The following BBS9 variants were observed in gnomAD, a reference collection of about 807,000 sequenced individuals.
BBS9 encodes Bardet-Biedl syndrome 9, also known as protein PTHB1.
Under a neutral mutation model 117.7 loss-of-function variants are expected in BBS9, and 89 were observed. The observed-to-expected ratio is 0.76, with a 90% CI of 0.64 to 0.90. The LOEUF (loss-of-function observed/expected upper bound fraction) is 0.90, where lower values mean the gene tolerates loss of function less well. Among genes scored for constraint, BBS9 ranks in the 40% least tolerant of loss-of-function variants. The probability of loss-of-function intolerance (pLI) is 0.00; values close to 1 mark genes in which losing one functional copy is unlikely to be tolerated. For synonymous variants in BBS9, 379 were observed against 370.9 expected (o/e 1.02, Z -0.25); for missense variants, 982 against 1,042.2 (o/e 0.94, Z 0.80).
At chr7:33,526,398 G>C (rs1430915165) in intron 20 of BBS9, among the ~76,000 whole-genome samples, 2 of 152,194 alleles carry the variant, frequency 1.3e-5, no homozygotes, top group African/African-American at 4.8e-5. Context: ...ATCAGACGTA[G>C]ATTTGGTCTT....
At chr7:33,588,791 G>A (rs1861385848) in intron 21 of BBS9, among the ~76,000 whole-genome samples, 1 of 152,126 alleles carries the variant, frequency 6.6e-6, no homozygotes, top group African/African-American at 2.4e-5. Context: ...GCAGAAATCA[G>A]AGGGACAAGT....
At chr7:33,216,731 G>C (rs998940928) in intron 5 of BBS9, among the ~76,000 whole-genome samples, 1 of 152,186 alleles carries the variant, frequency 6.6e-6, no homozygotes, top group African/African-American at 2.4e-5. Flanking sequence ...TGGTATGAAG[G>C]AGTCTCTTGG....
intron 5 of BBS9, among the ~76,000 whole-genome samples, chr7:33,238,092 T>A (rs1264587660): frequency 2.0e-5 from 3 of 152,228 alleles, no homozygotes; most frequent in Non-Finnish European, 4.4e-5. Flanking sequence ...GAAAGAGGGA[T>A]ATAAATCCGC....
At chr7:33,138,381 A>G (rs1790891037) in intron 1 of BBS9, among the ~76,000 whole-genome samples, 2 of 151,294 alleles carry the variant, frequency 1.3e-5, no homozygotes, top group Admixed American at 6.6e-5. Flanking sequence ...GTAAGAAAAT[A>G]TCCACTTAGG....
intron 1 of BBS9, among the ~76,000 whole-genome samples, chr7:33,144,903 T>C (rs1792091552): frequency 6.6e-6 from 1 of 152,254 alleles, no homozygotes; most frequent in South Asian, 2.1e-4. Context: ...TCTATTGAGA[T>C]GTAATCCCAT....
chr7:33,614,229 A>G (rs1320099266), intron 21 of BBS9, among the ~76,000 whole-genome samples: 3 of 152,108 alleles, frequency 2.0e-5, no homozygotes, highest in African/African-American at 7.2e-5. Flanking sequence ...CAAGAAAGTG[A>G]AAACTTGAAT....
Position 33,146,282 on chromosome 7 carries a change from G to A in BBS9, c.30G>A (p.Trp10Ter). 2 of 1,614,004 alleles carry A rather than the reference G, an allele frequency of 1.2e-6. No homozygotes were observed. Among genetic ancestry groups the A allele is most frequent in the African/African-American group, 2.7e-5 (2 of 75,030 alleles). Residue 10 changes from tryptophan (W) to a stop codon, truncating the protein, a stop_gained, in exon 2 of 23, where the codon TGG becomes TGA. Coordinates refer to ENST00000242067, the MANE Select transcript of BBS9 (RefSeq NM_198428.3). LOFTEE classifies it high-confidence loss of function. Reference protein sequence around the residue: MSLFKARDWWSTILGDKEEF... With the variant: MSLFKARDW ...CTTTATTTAAAGCCCGTGATTGGTG[G>A]TCTACTATTCTGGGAGATAAAGAAG...
intron 21 of BBS9, among the ~76,000 whole-genome samples, chr7:33,535,846 T>C (rs1402660177): frequency 6.6e-6 from 1 of 152,112 alleles, no homozygotes; most frequent in Non-Finnish European, 1.5e-5. Flanking sequence ...GGATGGCCCA[T>C]CTGATTGGCT....
chr7:33,270,388 T>A (rs1481470904), intron 7 of BBS9, among the ~76,000 whole-genome samples: 1 of 152,050 alleles, frequency 6.6e-6, no homozygotes, highest in Non-Finnish European at 1.5e-5. Flanking sequence ...AGAAATAGAA[T>A]TCAGAATATG....
At chr7:33,631,911 G>C (rs1438681467) in intron 21 of BBS9, among the ~76,000 whole-genome samples, 1 of 152,162 alleles carries the variant, frequency 6.6e-6, no homozygotes, top group Non-Finnish European at 1.5e-5. Context: ...ATGTTCCAGT[G>C]AGCAACAGGG....
chr7:33,261,066 CTTT>C (rs796353587), intron 6 of BBS9, among the ~76,000 whole-genome samples: 1 of 145,492 alleles, frequency 6.9e-6, no homozygotes, highest in Admixed American at 6.9e-5. Flanking sequence ...TCTCTCTCTC[CTTT>C]TTTTTTTTTC....
At chr7:33,385,219 G>C (rs1039626803) in intron 18 of BBS9, among the ~76,000 whole-genome samples, 7 of 152,074 alleles carry the variant, frequency 4.6e-5, no homozygotes. Context: ...ACTCCTTGGA[G>C]CTTCTACATC....
intron 5 of BBS9, among the ~76,000 whole-genome samples, chr7:33,241,966 G>T (rs1794600200): frequency 6.6e-6 from 1 of 151,716 alleles, no homozygotes; most frequent in South Asian, 2.1e-4. Context: ...TCAATTTTTT[G>T]TGTATTGTAA....
intron 9 of BBS9, among the ~76,000 whole-genome samples, chr7:33,327,058 C>T (rs1225839963): frequency 6.6e-6 from 1 of 152,072 alleles, no homozygotes; most frequent in Non-Finnish European, 1.5e-5. Context: ...TAGGACTTGC[C>T]CAGGAATTGT....
intron 21 of BBS9, among the ~76,000 whole-genome samples, chr7:33,573,376 T>A (rs984803835): frequency 3.3e-5 from 5 of 152,140 alleles, no homozygotes; most frequent in Admixed American, 2.6e-4. Flanking sequence ...TTCCCTAGAC[T>A]GCTTTTTTAA....
chr7:33,618,181 T>C (rs898559882), intron 21 of BBS9, among the ~76,000 whole-genome samples: 3 of 152,046 alleles, frequency 2.0e-5, no homozygotes, highest in Non-Finnish European at 4.4e-5. Flanking sequence ...CTCTACAAAT[T>C]TTTTTGTTTC....
chr7:33,223,661 C>G (rs962324574), intron 5 of BBS9, among the ~76,000 whole-genome samples: 1 of 151,536 alleles, frequency 6.6e-6, no homozygotes, highest in African/African-American at 2.4e-5. Flanking sequence ...TTACTGTGCT[C>G]TCTTACACTT....
chr7:33,132,654 T>C (rs1789810200), intron 1 of BBS9, among the ~76,000 whole-genome samples: 1 of 152,202 alleles, frequency 6.6e-6, no homozygotes, highest in African/African-American at 2.4e-5. Context: ...AAAAGCCAGG[T>C]TTCATGACCA....
chr7:33,208,963 A>T (rs1029423264), intron 5 of BBS9, among the ~76,000 whole-genome samples: 2 of 151,820 alleles, frequency 1.3e-5, no homozygotes, highest in Non-Finnish European at 2.9e-5. Flanking sequence ...ATCCAATTAG[A>T]CTCTTTTAGT....
Sources: gnomAD v4.1 joint callset for allele counts (sites outside exome capture counted in the v4.1 genomes callset) on GRCh38, gnomAD v4.1.1 for gene constraint, MANE v1.5 for transcripts, NCBI Gene and HGNC (gene_info 2026-07-23, HGNC 2026-07-21) for gene names.